The following CTNND2 variants were observed in gnomAD, a reference collection of about 807,000 sequenced individuals.
The protein encoded by CTNND2 is catenin delta 2, also known as catenin delta-2.
CTNND2 carries 22 observed loss-of-function variants against 144.4 expected under a neutral mutation model. The observed-to-expected ratio is 0.15, with a 90% CI of 0.11 to 0.22. The LOEUF is 0.22. Ranked by LOEUF, CTNND2 falls within the 10% of genes least tolerant of loss-of-function variation. The probability of loss-of-function intolerance (pLI) is 1.00; values close to 1 mark genes in which losing one functional copy is unlikely to be tolerated. For missense variants in CTNND2, 1,353 were observed against 1,618.8 expected (o/e 0.84, Z 2.82); for synonymous variants, 751 against 695.6 (o/e 1.08, Z -1.25).
chr5:11,850,647 C>T (rs4533886), intron 1 of CTNND2, among the ~76,000 whole-genome samples: 105,164 of 152,040 alleles, frequency 0.69, 36,476 homozygotes, highest in South Asian at 0.78. Context: ...GCTACTGAGC[C>T]ACAAAAGATA....
intron 11 of CTNND2, among the ~76,000 whole-genome samples, chr5:11,166,249 C>CCTT (rs1553988938): frequency 7.9e-6 from 1 of 125,882 alleles, no homozygotes; most frequent in African/African-American, 3.0e-5. Context: ...CAAAAAAGTT[C>CCTT]TTTTTTTTTT....
intron 9 of CTNND2, among the ~76,000 whole-genome samples, chr5:11,283,266 T>C (rs184368347): frequency 2.2e-4 from 34 of 152,260 alleles, no homozygotes; most frequent in African/African-American, 7.2e-4. Context: ...CACTTGCCCA[T>C]GCCCAGTGTA....
At chr5:11,526,373 T>C (rs755511744) in intron 3 of CTNND2, among the ~76,000 whole-genome samples, 3 of 152,156 alleles carry the variant, frequency 2.0e-5, no homozygotes, top group East Asian at 1.9e-4. Context: ...TATGGTGAAA[T>C]TGGTTCTGTC....
chr5:11,649,612 G>T (rs556502780), intron 2 of CTNND2, among the ~76,000 whole-genome samples: 1 of 152,280 alleles, frequency 6.6e-6, no homozygotes, highest in East Asian at 1.9e-4. Context: ...ACTGCACCTG[G>T]CCATAAAGAA....
At chr5:11,307,116 T>TC (rs1750316455) in intron 9 of CTNND2, among the ~76,000 whole-genome samples, 1 of 152,084 alleles carries the variant, frequency 6.6e-6, no homozygotes, top group South Asian at 2.1e-4. Flanking sequence ...TTTTTTTTTT[T>TC]CTGAATTACC....
At chr5:11,014,031 G>A (rs989624096) in intron 18 of CTNND2, among the ~76,000 whole-genome samples, 3 of 152,332 alleles carry the variant, frequency 2.0e-5, no homozygotes, top group African/African-American at 7.2e-5. Flanking sequence ...CTGGCCTTGG[G>A]CCACCTGCCT....
chr5:11,119,406 T>C (rs1356683063), intron 12 of CTNND2, among the ~76,000 whole-genome samples: 1 of 152,200 alleles, frequency 6.6e-6, no homozygotes, highest in African/African-American at 2.4e-5. Flanking sequence ...CTCAGCTTCC[T>C]AGATAATATA....
chr5:11,590,163 G>A (rs1384980971), intron 2 of CTNND2, among the ~76,000 whole-genome samples: 4 of 150,826 alleles, frequency 2.7e-5, no homozygotes, highest in African/African-American at 7.3e-5. Flanking sequence ...CTCCTGCCTC[G>A]GCCTCCCGAG....
rs542164392 is a variant in CTNND2, at chr5:11,903,463, G to T, written c.37+354C>A. On this transcript the variant is annotated intron_variant, in intron 1 of 21. Transcript: ENST00000304623. This position sits in a 1 kb window ranked among gnomAD's most constrained non-coding sequence, Gnocchi z 5.4. ...CCGTCTCCTCCCGTATATTAGGGAC[G>T]TCATGAATGCACCGAGTATGTTCTC... 3.4e-5 allele frequency: 25 copies of T among 732,522 alleles called. No individual in the cohort carries two copies. In the South Asian group the frequency reaches 1.0e-3, roughly 30 times the overall value. The allele number at this position is 732,522 out of a possible 1,614,324, so 45.4% of individuals were successfully genotyped here.
intron 18 of CTNND2, among the ~76,000 whole-genome samples, chr5:11,004,416 G>A (rs942351962): frequency 9.2e-5 from 14 of 152,180 alleles, no homozygotes; most frequent in Non-Finnish European, 2.1e-4. Flanking sequence ...GAACAAATTC[G>A]ATGTTTACGC....
intron 2 of CTNND2, among the ~76,000 whole-genome samples, chr5:11,718,440 A>G (rs951956028): frequency 2.0e-5 from 3 of 152,006 alleles, no homozygotes; most frequent in Admixed American, 6.6e-5. Context: ...GACAATAACT[A>G]TTCTATGTGC....
intron 16 of CTNND2, among the ~76,000 whole-genome samples, chr5:11,076,619 A>T (rs1238742055): frequency 6.6e-6 from 1 of 152,202 alleles, no homozygotes; most frequent in Non-Finnish European, 1.5e-5. Flanking sequence ...TCTATAGCAT[A>T]CTTATTGCTG....
Position 11,491,365 on chromosome 5 carries a change from C to T in CTNND2, c.287+73579G>A, listed in dbSNP as rs890417127. Reference sequence around the variant, plus strand: ...CTTCCTGGGTACCACACACAAAGTGCTTTCTTTTTTCCCATGTGTTATCTC... The same window carrying T: ...CTTCCTGGGTACCACACACAAAGTGTTTTCTTTTTTCCCATGTGTTATCTC... On this transcript the variant is annotated intron_variant, in intron 3 of 21. Transcript: ENST00000304623. 2.0e-5 allele frequency among the ~76,000 whole-genome samples: 3 copies of T among 152,160 alleles called. No individual in the cohort carries two copies. In the South Asian group the frequency reaches 6.2e-4, roughly 32 times the overall value.
intron 2 of CTNND2, among the ~76,000 whole-genome samples, chr5:11,697,289 C>A (rs1039950475): frequency 1.3e-5 from 2 of 152,054 alleles, no homozygotes; most frequent in Non-Finnish European, 2.9e-5. Context: ...AAAATTTGGA[C>A]CTTAACAGTA....
intron 11 of CTNND2, among the ~76,000 whole-genome samples, chr5:11,163,365 A>C (rs537203438): frequency 2.6e-5 from 4 of 152,084 alleles, no homozygotes; most frequent in East Asian, 3.9e-4. Flanking sequence ...GGATTTTCCA[A>C]CCCCAACCAA....
chr5:11,267,737 A>G (rs1745596376), intron 9 of CTNND2, among the ~76,000 whole-genome samples: 1 of 152,240 alleles, frequency 6.6e-6, no homozygotes, highest in Non-Finnish European at 1.5e-5. Flanking sequence ...GTAGCTCATT[A>G]TATTTTGCAC....
At chr5:11,355,864 C>G (rs1211722732) in intron 8 of CTNND2, among the ~76,000 whole-genome samples, 3 of 152,022 alleles carry the variant, frequency 2.0e-5, no homozygotes, top group Non-Finnish European at 4.4e-5. Flanking sequence ...AATCAACACA[C>G]AAAAATCTGT....
chr5:11,169,198 C>G (rs888247657), intron 11 of CTNND2, among the ~76,000 whole-genome samples: 1 of 152,138 alleles, frequency 6.6e-6, no homozygotes, highest in African/African-American at 2.4e-5. Context: ...CAGCCAAGGA[C>G]CTACAGCCTT....
chr5:11,721,620 G>T (rs1786686202), intron 2 of CTNND2, among the ~76,000 whole-genome samples: 2 of 152,184 alleles, frequency 1.3e-5, no homozygotes, highest in Admixed American at 1.3e-4. Context: ...CTGGGGCTCG[G>T]GGCTCCACTG....
Sources: gnomAD v4.1 joint callset for allele counts (sites outside exome capture counted in the v4.1 genomes callset) on GRCh38, gnomAD v4.1.1 for gene constraint, Gnocchi (gnomAD v3.1) non-coding constraint, MANE v1.5 for transcripts, NCBI Gene and HGNC (gene_info 2026-07-23, HGNC 2026-07-21) for gene names.